Variants in KCNT2 observed in about 807,000 individuals in gnomAD.
The protein encoded by KCNT2 is potassium sodium-activated channel subfamily T member 2, also known as potassium channel subfamily T member 2.
Under a neutral mutation model 153.8 loss-of-function variants are expected in KCNT2, and 67 were observed. The ratio of observed to expected loss-of-function variants is 0.44; its 90% CI spans 0.36 to 0.53. The LOEUF (loss-of-function observed/expected upper bound fraction) is 0.53, where lower values mean the gene tolerates loss of function less well. KCNT2 is among the 20% of genes least tolerant of loss of function. The pLI is 0.00. For synonymous variants in KCNT2, 500 were observed against 458.8 expected (o/e 1.09, Z -1.15); for missense variants, 975 against 1,354.8 (o/e 0.72, Z 4.40).
Position 196,526,015 on chromosome 1 carries a change from CTGTGTGTGTGTGTGTG to C in KCNT2, c.96-33690_96-33675del, listed in dbSNP as rs369541629. 1.2e-4 allele frequency among the ~76,000 whole-genome samples: 17 copies of C among 140,066 alleles called. No homozygotes were observed. The East Asian group carries it at 1.9e-3, about 16-fold the overall frequency. 91.9% of individuals were successfully genotyped at this position (140,066 alleles called of 152,430 possible). A position where few individuals can be genotyped will look rare whatever the true frequency, so the allele number is the denominator to read the frequency against. ...ATAGCACAAATAATGAGAACTGACT[CTGTGTGTGTGTGTGTG>C]TGTGTGTGTGTGTGTGTGTGTGTGT... On this transcript the variant is annotated intron_variant, in intron 1 of 27. Coordinates refer to ENST00000294725, the MANE Select transcript of KCNT2 (RefSeq NM_198503.5).
intron 25 of KCNT2, among the ~76,000 whole-genome samples, chr1:196,260,376 C>T (rs1257653631): frequency 6.6e-6 from 1 of 151,718 alleles, no homozygotes; most frequent in South Asian, 2.1e-4. Context: ...CTTTTCTTAG[C>T]CATGTGTATC....
At chr1:196,480,662 T>C (rs1001694226) in intron 4 of KCNT2, among the ~76,000 whole-genome samples, 3 of 151,902 alleles carry the variant, frequency 2.0e-5, no homozygotes, top group African/African-American at 4.8e-5. Flanking sequence ...GAGACCATCC[T>C]GGCTAACACG....
chr1:196,370,370 G>T (rs970938784), intron 14 of KCNT2, among the ~76,000 whole-genome samples: 37 of 151,970 alleles, frequency 2.4e-4, no homozygotes, highest in Non-Finnish European at 4.3e-4. Context: ...GTTCTATGAA[G>T]TCATCTAATT....
At chr1:196,259,185 G>A (rs1259122803) in intron 25 of KCNT2, among the ~76,000 whole-genome samples, 1 of 152,072 alleles carries the variant, frequency 6.6e-6, no homozygotes, top group East Asian at 1.9e-4. Context: ...CAAATATACT[G>A]TAGAATTACA....
At chr1:196,299,885 G>A (rs1661018644) in intron 22 of KCNT2, among the ~76,000 whole-genome samples, 2 of 152,172 alleles carry the variant, frequency 1.3e-5, no homozygotes, top group South Asian at 4.1e-4. Context: ...TAAAGAAAAT[G>A]TGATATGTAT....
At chr1:196,532,364 T>A (rs543058405) in intron 1 of KCNT2, among the ~76,000 whole-genome samples, 3 of 152,074 alleles carry the variant, frequency 2.0e-5, no homozygotes, top group African/African-American at 4.8e-5. Context: ...AGAACTAACA[T>A]CAATAGAAGC....
At chr1:196,588,576 T>C (rs1195256901) in intron 1 of KCNT2, among the ~76,000 whole-genome samples, 1 of 152,054 alleles carries the variant, frequency 6.6e-6, no homozygotes, top group Non-Finnish European at 1.5e-5. Flanking sequence ...TCTTAATACA[T>C]AAGCTGTGTA....
At position 196,445,534 on chromosome 1, in the gene KCNT2, A is replaced by T. The variant is rs542488746; in HGVS notation, c.639-15777T>A. On this transcript the variant is annotated intron_variant, in intron 8 of 27. Transcript: ENST00000294725. The stretch of plus-strand genomic sequence containing the variant: ...GAGAATTACTCTCACAATAAGACTG[A>T]CTCTTATTTTTATGTAACTACTTAT... Among the ~76,000 whole-genome samples the T allele has an allele frequency of 5.1e-4, 77 of 151,460 alleles. 2 individuals are homozygous for T. The South Asian group carries it at 0.014, about 27-fold the overall frequency.
chr1:196,537,894 G>T (rs984664716), intron 1 of KCNT2, among the ~76,000 whole-genome samples: 1 of 152,152 alleles, frequency 6.6e-6, no homozygotes, highest in Non-Finnish European at 1.5e-5. Context: ...TTTACGGTGT[G>T]AACCCAGGTC....
chr1:196,355,389 G>A (rs1667090354), intron 14 of KCNT2, among the ~76,000 whole-genome samples: 1 of 151,686 alleles, frequency 6.6e-6, no homozygotes, highest in African/African-American at 2.4e-5. Context: ...CTACCACCAG[G>A]TGGAACCGGA....
At chr1:196,497,228 A>G (rs1680326679) in intron 1 of KCNT2, among the ~76,000 whole-genome samples, 1 of 152,218 alleles carries the variant, frequency 6.6e-6, no homozygotes, top group Non-Finnish European at 1.5e-5. Flanking sequence ...CAACATCTGT[A>G]CTAAACATGT....
At position 196,258,290 on chromosome 1, in the gene KCNT2, G is replaced by A; in HGVS notation, c.3115C>T (p.Gln1039Ter). 6.2e-7 allele frequency: 1 copy of A among 1,614,072 alleles called. No individual in the cohort carries two copies. Among genetic ancestry groups the A allele is most frequent in the Non-Finnish European group, 8.5e-7 (1 of 1,179,994 alleles). The change falls in exon 26 of 28, where the codon CAG (glutamine) becomes TAG (stop). Residue 1039 changes from glutamine to a stop codon, truncating the protein, a stop_gained. Coordinates refer to ENST00000294725, the MANE Select transcript of KCNT2 (RefSeq NM_198503.5). LOFTEE classifies it high-confidence loss of function. ...SGKTAEKITQ[Q>*]RLNLYRRSER... ...GACCTCCTGTAGAGGTTCAGTCGCT[G>A]CTGGGTTATTTTTTCAGCTGTTTTA...
intron 5 of KCNT2, among the ~76,000 whole-genome samples, chr1:196,471,188 T>C (rs1423217651): frequency 6.6e-6 from 1 of 152,110 alleles, no homozygotes; most frequent in East Asian, 1.9e-4. Context: ...ATTACAGGCA[T>C]GAGCCATTGC....
intron 8 of KCNT2, among the ~76,000 whole-genome samples, chr1:196,444,676 G>A (rs1055556568): frequency 4.6e-5 from 7 of 151,154 alleles, no homozygotes; most frequent in Non-Finnish European, 1.0e-4. Context: ...AAGAAAGCAG[G>A]GACAAATTAT....
intron 1 of KCNT2, among the ~76,000 whole-genome samples, chr1:196,525,131 G>T (rs1437022417): frequency 6.6e-6 from 1 of 152,068 alleles, no homozygotes; most frequent in Non-Finnish European, 1.5e-5. Flanking sequence ...TAGCTATTCA[G>T]TGGTTTTTGA....
At chr1:196,252,175 T>C (rs1656036127) in intron 26 of KCNT2, among the ~76,000 whole-genome samples, 1 of 151,870 alleles carries the variant, frequency 6.6e-6, no homozygotes, top group Non-Finnish European at 1.5e-5. Context: ...CATTCCATTT[T>C]ATTTGCACTA....
At chr1:196,335,455 A>G (rs1328236683) in intron 16 of KCNT2, among the ~76,000 whole-genome samples, 1 of 152,140 alleles carries the variant, frequency 6.6e-6, no homozygotes, top group East Asian at 1.9e-4. Context: ...ACAAATCTGT[A>G]CAGCATGTTA....
chr1:196,606,837 G>A (rs531551013), intron 1 of KCNT2, among the ~76,000 whole-genome samples: 2 of 152,122 alleles, frequency 1.3e-5, no homozygotes, highest in African/African-American at 4.8e-5. Context: ...CATTTAACCA[G>A]GCTAATGCAG....
At chr1:196,234,197 A>C in intron 27 of KCNT2, among the ~76,000 whole-genome samples, 1 of 151,334 alleles carries the variant, frequency 6.6e-6, no homozygotes, top group Non-Finnish European at 1.5e-5. Flanking sequence ...TATATCAATA[A>C]ACTTAATTAA....
Sources: gnomAD v4.1 joint callset for allele counts (sites outside exome capture counted in the v4.1 genomes callset) on GRCh38, gnomAD v4.1.1 for gene constraint, MANE v1.5 for transcripts, NCBI Gene and HGNC (gene_info 2026-07-23, HGNC 2026-07-21) for gene names.